The following PRKCE variants were observed in gnomAD, a reference collection of about 807,000 sequenced individuals.
PRKCE encodes protein kinase C epsilon type.
In PRKCE, 16 loss-of-function variants were observed where a neutral mutation model predicts 85.4. The ratio of observed to expected loss-of-function variants is 0.19; its 90% CI spans 0.13 to 0.28. The LOEUF is 0.28. PRKCE is among the 10% of genes least tolerant of loss of function. PRKCE has a pLI of 1.00. For missense variants in PRKCE, 573 were observed against 975.2 expected, an observed-to-expected ratio of 0.59 and a Z score of 5.49; for synonymous variants, 388 against 371.5, an observed-to-expected ratio of 1.04 and a Z score of -0.51.
At chr2:46,146,198 T>G (rs570715023) in intron 12 of PRKCE, among the ~76,000 whole-genome samples, 1 of 152,274 alleles carries the variant, frequency 6.6e-6, no homozygotes, top group African/African-American at 2.4e-5. Flanking sequence ...GTGATGTGAT[T>G]CAGATTTAAG....
At chr2:45,699,537 CT>C (rs1678440650) in intron 1 of PRKCE, among the ~76,000 whole-genome samples, 1 of 152,150 alleles carries the variant, frequency 6.6e-6, no homozygotes, top group South Asian at 2.1e-4. Flanking sequence ...TGAGGGGCCG[CT>C]GGTGAAGGAT....
At chr2:45,673,287 A>G (rs1572901315) in intron 1 of PRKCE, among the ~76,000 whole-genome samples, 1 of 152,390 alleles carries the variant, frequency 6.6e-6, no homozygotes, top group East Asian at 1.9e-4. Flanking sequence ...TGAATAGGTC[A>G]TTCACACTCA....
chr2:45,726,878 G>C (rs974277796), intron 1 of PRKCE, among the ~76,000 whole-genome samples: 7 of 152,164 alleles, frequency 4.6e-5, no homozygotes, highest in Non-Finnish European at 8.8e-5. Context: ...GAATTCCAGG[G>C]CTGACTTTGC....
chr2:46,109,780 A>T (rs1181622388), intron 11 of PRKCE, among the ~76,000 whole-genome samples: 1 of 152,110 alleles, frequency 6.6e-6, no homozygotes, highest in Non-Finnish European at 1.5e-5. Flanking sequence ...TCTGTTACAG[A>T]TCTTAGTGGG....
At chr2:46,099,252 A>G (rs1383932253) in intron 11 of PRKCE, among the ~76,000 whole-genome samples, 1 of 151,992 alleles carries the variant, frequency 6.6e-6, no homozygotes, top group Non-Finnish European at 1.5e-5. Flanking sequence ...TGGGGTTTAT[A>G]TACTGATCTC....
chr2:46,155,522 A>G lies in PRKCE; in HGVS notation c.1921-4084A>G, dbSNP rs1677110126. Among the ~76,000 whole-genome samples, 2 of 152,120 alleles carry G rather than the reference A, an allele frequency of 1.3e-5. No individual in the cohort carries two copies. Among genetic ancestry groups the G allele is most frequent in the South Asian group, 4.1e-4 (2 of 4,820 alleles). On this transcript the variant is annotated intron_variant, in intron 13 of 14. Coordinates refer to ENST00000306156, the MANE Select transcript of PRKCE (RefSeq NM_005400.3). The surrounding 1 kb of genome is among the most constrained non-coding windows in gnomAD (Gnocchi z 4.7). ...GGGAGGGGTATCCCCAGCCAGACCC[A>G]TCTTCCAGCCTCCAGGCCTGTGTTT...
At chr2:46,037,358 G>A (rs1330183946) in intron 10 of PRKCE, among the ~76,000 whole-genome samples, 1 of 152,152 alleles carries the variant, frequency 6.6e-6, no homozygotes, top group African/African-American at 2.4e-5. Flanking sequence ...TCTCAGCCTC[G>A]CTCACCTCTT....
intron 2 of PRKCE, among the ~76,000 whole-genome samples, chr2:45,883,973 G>C (rs1695063831): frequency 6.6e-6 from 1 of 151,638 alleles, no homozygotes; most frequent in Non-Finnish European, 1.5e-5. Flanking sequence ...CAGAATCTTT[G>C]AGACTGCCCA....
chr2:45,921,345 G>A (rs1255970876), intron 2 of PRKCE, among the ~76,000 whole-genome samples: 1 of 151,904 alleles, frequency 6.6e-6, no homozygotes, highest in South Asian at 2.1e-4. Flanking sequence ...ATAAATTGTT[G>A]TAAAAAAAAC....
intron 1 of PRKCE, chr2:45,678,019 G>A (rs1676609228): frequency 4.1e-6 from 2 of 482,082 alleles, no homozygotes; most frequent in Non-Finnish European, 5.4e-6. Flanking sequence ...GAACCCAATC[G>A]AAGAAGTTGG....
At chr2:45,763,475 G>A (rs181400595) in intron 1 of PRKCE, among the ~76,000 whole-genome samples, 206 of 152,260 alleles carry the variant, frequency 1.4e-3, no homozygotes, top group Non-Finnish European at 2.2e-3. Flanking sequence ...CTAATGTTGT[G>A]CAGCCTAGTA....
At chr2:45,741,323 G>A (rs2104642468) in intron 1 of PRKCE, among the ~76,000 whole-genome samples, 1 of 152,308 alleles carries the variant, frequency 6.6e-6, no homozygotes, top group South Asian at 2.1e-4. Context: ...CCTCATGGTT[G>A]TTTATAGTTT....
intron 11 of PRKCE, among the ~76,000 whole-genome samples, chr2:46,124,846 C>A (rs956484364): frequency 1.3e-5 from 2 of 152,080 alleles, no homozygotes; most frequent in Non-Finnish European, 2.9e-5. Context: ...ATCACGTGCC[C>A]CAAAATAACT....
intron 1 of PRKCE, among the ~76,000 whole-genome samples, chr2:45,674,143 C>A (rs529014809): frequency 6.6e-6 from 1 of 152,138 alleles, no homozygotes; most frequent in Non-Finnish European, 1.5e-5. Flanking sequence ...GGTTGACTTG[C>A]GGCGAAAATG....
chr2:46,013,994 G>C (rs1469034584), intron 10 of PRKCE, among the ~76,000 whole-genome samples: 1 of 152,234 alleles, frequency 6.6e-6, no homozygotes, highest in Non-Finnish European at 1.5e-5. Context: ...GGTCTGGTCA[G>C]TGCAGCCCAG....
chr2:46,046,427 C>T (rs987220370), intron 10 of PRKCE, among the ~76,000 whole-genome samples: 6 of 152,234 alleles, frequency 3.9e-5, no homozygotes, highest in African/African-American at 1.4e-4. Flanking sequence ...TGCTTCTCAA[C>T]AAAATCACCT....
intron 10 of PRKCE, among the ~76,000 whole-genome samples, chr2:46,049,908 A>C (rs1043221235): frequency 4.6e-5 from 7 of 152,176 alleles, no homozygotes; most frequent in Non-Finnish European, 7.4e-5. Context: ...TGTCCATCAA[A>C]TCCAACACAG....
At chr2:45,875,518 C>A (rs939713082) in intron 2 of PRKCE, among the ~76,000 whole-genome samples, 3 of 152,174 alleles carry the variant, frequency 2.0e-5, no homozygotes, top group Non-Finnish European at 2.9e-5. Context: ...GGCAGAGACA[C>A]CTTGCATGTA....
chr2:45,812,008 C>T (rs7593800), intron 1 of PRKCE, among the ~76,000 whole-genome samples: 116,377 of 152,082 alleles, frequency 0.77, 45,053 homozygotes, highest in Non-Finnish European at 0.82. Context: ...ACTCTTGGCA[C>T]TGTCTGTAGT....
Sources: allele counts gnomAD v4.1 joint callset (sites outside exome capture counted in the v4.1 genomes callset), GRCh38; gene constraint gnomAD v4.1.1; non-coding constraint Gnocchi (gnomAD v3.1); transcripts MANE v1.5; gene names NCBI Gene and HGNC (gene_info 2026-07-23, HGNC 2026-07-21).